CNTN4: variants seen among roughly 807,000 people sequenced by gnomAD.
The protein encoded by CNTN4 is contactin 4.
CNTN4 carries 77 observed loss-of-function variants against 122.5 expected under a neutral mutation model. That is an observed-to-expected ratio of 0.63 (90% confidence interval 0.52 to 0.76). The LOEUF is 0.76. Among genes scored for constraint, CNTN4 ranks in the 30% least tolerant of loss-of-function variants. CNTN4 has a pLI of 0.00. For missense variants in CNTN4, 1,256 were observed against 1,259.1 expected, an observed-to-expected ratio of 1.00 and a Z score of 0.04; for synonymous variants, 512 against 447.0, an observed-to-expected ratio of 1.15 and a Z score of -1.83.
intron 6 of CNTN4, among the ~76,000 whole-genome samples, chr3:2,757,954 C>T (rs116190923): frequency 0.013 from 1,970 of 152,218 alleles, 45 homozygotes; most frequent in African/African-American, 0.045. Context: ...TTAATTTGCT[C>T]CTAAATACTT....
At chr3:2,552,263 G>A (rs1211874828) in intron 3 of CNTN4, among the ~76,000 whole-genome samples, 1 of 152,142 alleles carries the variant, frequency 6.6e-6, no homozygotes, top group Non-Finnish European at 1.5e-5. Context: ...AGTAGAAACC[G>A]ACAGAAAAGC....
intron 3 of CNTN4, among the ~76,000 whole-genome samples, chr3:2,474,179 T>C (rs904262450): frequency 2.0e-5 from 3 of 152,164 alleles, no homozygotes; most frequent in South Asian, 2.1e-4. Context: ...TCTTTTTACA[T>C]AGGGCTTCCC....
At chr3:3,034,875 A>G in intron 17 of CNTN4, 85 bp downstream of exon 17, 1 of 1,338,956 alleles carries the variant, frequency 7.5e-7, no homozygotes, top group East Asian at 2.3e-5. Flanking sequence ...CTAAGTTCTC[A>G]TTCAGACACT....
rs925466596 is a variant in CNTN4, at chr3:2,438,410, T to C, written c.-89+99177T>C. ...GGCGGTGCGTGCCTGTAATCCCAGCTACTTGGGTGGCTGAGGCAGAAGAAT... is the reference window on the plus strand; with the variant it reads ...GGCGGTGCGTGCCTGTAATCCCAGCCACTTGGGTGGCTGAGGCAGAAGAAT... On this transcript the variant is annotated intron_variant, in intron 3 of 24. Transcript: ENST00000418658. Among the ~76,000 whole-genome samples, 5 of 152,088 alleles carry C rather than the reference T, an allele frequency of 3.3e-5. No homozygotes were observed. The East Asian group carries it at 9.7e-4, about 29-fold the overall frequency.
intron 7 of CNTN4, among the ~76,000 whole-genome samples, chr3:2,861,622 A>G (rs562128936): frequency 6.6e-6 from 1 of 152,204 alleles, no homozygotes; most frequent in South Asian, 2.1e-4. Context: ...GTTATAATGC[A>G]AAGACTACCA....
At chr3:2,360,147 T>A (rs964306601) in intron 3 of CNTN4, among the ~76,000 whole-genome samples, 2 of 152,118 alleles carry the variant, frequency 1.3e-5, no homozygotes, top group Non-Finnish European at 2.9e-5. Context: ...ATGAAGTAAA[T>A]GGAAAATGTC....
At chr3:2,744,768 GT>G (rs959997162) in intron 5 of CNTN4, among the ~76,000 whole-genome samples, 3 of 152,166 alleles carry the variant, frequency 2.0e-5, no homozygotes, top group Non-Finnish European at 2.9e-5. Flanking sequence ...AAACTTCGCT[GT>G]TAAAATGTGT....
At chr3:3,023,810 A>C (rs1698491809) in intron 14 of CNTN4, among the ~76,000 whole-genome samples, 1 of 152,196 alleles carries the variant, frequency 6.6e-6, no homozygotes, top group African/African-American at 2.4e-5. Flanking sequence ...GAATATCTTC[A>C]GTTGACTACA....
intron 6 of CNTN4, among the ~76,000 whole-genome samples, chr3:2,754,930 A>T (rs201935240): frequency 1.3e-5 from 2 of 152,146 alleles, no homozygotes; most frequent in South Asian, 4.1e-4. Context: ...CTTTCTTATG[A>T]CTACTACAGC....
Position 3,034,771 on chromosome 3 carries a change from C to T in CNTN4, c.1923C>T (p.Gly641=), listed in dbSNP as rs1699457024. ...VIQARTPFSV[G]WQAVSTVPEL... ...AAGCCAGGACTCCATTCTCCGTGGGCTGGCAAGCAGTCAGTACAGGTACCA... is the reference window on the plus strand; with the variant it reads ...AAGCCAGGACTCCATTCTCCGTGGGTTGGCAAGCAGTCAGTACAGGTACCA... Residue 641 remains glycine (G), a synonymous_variant, in exon 17 of 25, where the codon GGC becomes GGT. Transcript: ENST00000418658. 3 of 1,613,964 alleles carry T rather than the reference C, an allele frequency of 1.9e-6. No homozygotes were observed. The highest frequency in any genetic ancestry group is 2.2e-5 in the East Asian group (1 of 44,892).
At chr3:2,635,920 A>G (rs185568334) in intron 4 of CNTN4, among the ~76,000 whole-genome samples, 9 of 152,212 alleles carry the variant, frequency 5.9e-5, no homozygotes, top group Admixed American at 5.9e-4. Flanking sequence ...CTCACGCATC[A>G]TTATTGCCTA....
intron 3 of CNTN4, among the ~76,000 whole-genome samples, chr3:2,340,421 G>C (rs1055341926): frequency 2.0e-5 from 3 of 151,120 alleles, no homozygotes; most frequent in African/African-American, 7.3e-5. Context: ...GATAACATTG[G>C]GTAAAATATT....
intron 3 of CNTN4, among the ~76,000 whole-genome samples, chr3:2,413,086 A>T (rs1270754216): frequency 6.6e-6 from 1 of 152,204 alleles, no homozygotes; most frequent in Admixed American, 6.5e-5. Context: ...CTACATACAT[A>T]TGCATCGTTA....
At chr3:2,300,101 G>T (rs2042450218) in intron 2 of CNTN4, among the ~76,000 whole-genome samples, 1 of 152,026 alleles carries the variant, frequency 6.6e-6, no homozygotes, top group Non-Finnish European at 1.5e-5. Context: ...ACTGAATAGT[G>T]GTATGCTTAC....
intron 2 of CNTN4, among the ~76,000 whole-genome samples, chr3:2,152,829 C>A (rs561536720): frequency 6.6e-6 from 1 of 152,078 alleles, no homozygotes; most frequent in African/African-American, 2.4e-5. Context: ...ACTCCCAGAT[C>A]GGGCTCAGCC....
intron 10 of CNTN4, among the ~76,000 whole-genome samples, chr3:2,892,904 C>T (rs2094060287): frequency 1.3e-5 from 2 of 152,176 alleles, no homozygotes; most frequent in Non-Finnish European, 2.9e-5. Flanking sequence ...CAAGGTAATG[C>T]AGTGAATGGG....
At chr3:2,335,320 A>C (rs1159984437) in intron 2 of CNTN4, among the ~76,000 whole-genome samples, 1 of 151,626 alleles carries the variant, frequency 6.6e-6, no homozygotes, top group African/African-American at 2.4e-5. Flanking sequence ...GATTATAATG[A>C]TAGCATTTAT....
intron 2 of CNTN4, among the ~76,000 whole-genome samples, chr3:2,302,714 T>C (rs1467158230): frequency 6.6e-6 from 1 of 152,336 alleles, no homozygotes; most frequent in East Asian, 1.9e-4. Flanking sequence ...CAACTCACCA[T>C]TTCTGCCCAC....
At chr3:2,590,441 G>C (rs541353220) in intron 4 of CNTN4, among the ~76,000 whole-genome samples, 6 of 152,026 alleles carry the variant, frequency 3.9e-5, no homozygotes, top group African/African-American at 1.2e-4. Flanking sequence ...ATTTTGTGTA[G>C]AGACGGGGTT....
Sources: gnomAD v4.1 joint callset for allele counts (sites outside exome capture counted in the v4.1 genomes callset) on GRCh38, gnomAD v4.1.1 for gene constraint, MANE v1.5 for transcripts, NCBI Gene and HGNC (gene_info 2026-07-23, HGNC 2026-07-21) for gene names.